DEAF1: variants seen among roughly 807,000 people sequenced by gnomAD.
DEAF1 encodes deformed epidermal autoregulatory factor 1 homolog.
A neutral mutation model predicts 58.9 loss-of-function variants in DEAF1; 53 were observed. The observed-to-expected ratio is 0.90, with a 90% confidence interval of 0.72 to 1.13. The LOEUF is 1.13. Among genes scored for constraint, DEAF1 ranks in the 50% most tolerant of loss-of-function variants. The pLI is 0.00. For synonymous variants in DEAF1, 385 were observed against 340.4 expected (o/e 1.13, Z -1.44); for missense variants, 685 against 791.4 (o/e 0.87, Z 1.61).
chr11:666,891 A>AG (rs1358833559), intron 10 of DEAF1, among the ~76,000 whole-genome samples: 2 of 149,302 alleles, frequency 1.3e-5, no homozygotes, highest in African/African-American at 5.1e-5. Context: ...AAAAAAAAAA[A>AG]AAAAAAGAAA....
At chr11:703,781 G>A in intron 1 of DEAF1, 1 of 1,233,182 alleles carries the variant, frequency 8.1e-7, no homozygotes, top group Non-Finnish European at 1.0e-6. Flanking sequence ...TTCCATCTTA[G>A]CCACACTTCT....
upstream of DEAF1, chr11:698,953 A>G (rs1861323299): frequency 6.3e-7 from 1 of 1,596,912 alleles, no homozygotes; most frequent in Admixed American, 1.7e-5. Context: ...CACAGAGAGC[A>G]CTCGGCCTCA....
intron 9 of DEAF1, among the ~76,000 whole-genome samples, chr11:674,995 C>T (rs1202358872): frequency 6.6e-6 from 1 of 151,546 alleles, no homozygotes; most frequent in Non-Finnish European, 1.5e-5. Context: ...TAAAAAAATA[C>T]AAAAAAATAC....
At chr11:682,380 C>A (rs1229633325) in intron 6 of DEAF1, among the ~76,000 whole-genome samples, 1 of 152,226 alleles carries the variant, frequency 6.6e-6, no homozygotes, top group African/African-American at 2.4e-5. Flanking sequence ...CCTCGCCTCT[C>A]TGGTAAACCT....
At chr11:655,207 C>A (rs976404774) in intron 10 of DEAF1, among the ~76,000 whole-genome samples, 7 of 152,214 alleles carry the variant, frequency 4.6e-5, no homozygotes, top group Non-Finnish European at 8.8e-5. Flanking sequence ...GGGCATCAGC[C>A]TGGGCGCACC....
chr11:704,210 G>A, intron 1 of DEAF1: 1 of 984,896 alleles, frequency 1.0e-6, no homozygotes, highest in Non-Finnish European at 1.3e-6. Flanking sequence ...TTGCCAGCTG[G>A]TCAGTTCCTG....
intron 11 of DEAF1, among the ~76,000 whole-genome samples, chr11:647,589 AAAT>A (rs1335883656): frequency 4.6e-5 from 7 of 152,338 alleles, no homozygotes; most frequent in Admixed American, 3.3e-4. Flanking sequence ...TCACAAATGA[AAAT>A]AATGATGCGT....
chr11:647,418 G>A (rs1385886165), intron 11 of DEAF1, among the ~76,000 whole-genome samples: 2 of 152,190 alleles, frequency 1.3e-5, no homozygotes, highest in Non-Finnish European at 2.9e-5. Context: ...TCGCGCCGCT[G>A]CACTCCAGCC....
At chr11:700,575 G>C in intron 1 of DEAF1, 1 of 1,510,564 alleles carries the variant, frequency 6.6e-7, no homozygotes, top group East Asian at 2.3e-5. Context: ...CTGCTGCTGT[G>C]CCAGGTTACT....
At chr11:694,143 C>T (rs1362689523) in intron 1 of DEAF1, among the ~76,000 whole-genome samples, 1 of 151,874 alleles carries the variant, frequency 6.6e-6, no homozygotes, top group African/African-American at 2.4e-5. Context: ...GTGGGGGGAG[C>T]CAGGATGGAC....
chr11:687,765 G>A, intron 4 of DEAF1, 146 bp downstream of exon 4: 3 of 1,017,060 alleles, frequency 2.9e-6, no homozygotes, highest in Non-Finnish European at 3.0e-6. Context: ...CAAAGTGCTG[G>A]TATTACAGGC....
intron 9 of DEAF1, among the ~76,000 whole-genome samples, chr11:675,048 G>A (rs746636398): frequency 9.9e-5 from 15 of 152,130 alleles, no homozygotes; most frequent in Non-Finnish European, 2.2e-4. Flanking sequence ...GCTGGACGTG[G>A]TGGTAGACGC....
At chr11:657,038 G>T (rs947374176) in intron 10 of DEAF1, among the ~76,000 whole-genome samples, 1 of 150,242 alleles carries the variant, frequency 6.7e-6, no homozygotes, top group Non-Finnish European at 1.5e-5. Context: ...CTCTGCAGCT[G>T]AACAGGTGAC....
Position 670,931 on chromosome 11 carries a change from G to GTTTT in DEAF1, c.1503+3601_1503+3604dup, listed in dbSNP as rs558436376. ...TGGCATGTCACCACACCTGGCTAAT[G>GTTTT]TTTTTTTTTTTTTTTGAGACAGAGT... On this transcript the variant is annotated intron_variant, in intron 10 of 11. Transcript: ENST00000382409. Among the ~76,000 whole-genome samples the GTTTT allele has an allele frequency of 2.2e-5, 2 of 91,380 alleles. 1 individual carries two copies. 59.9% of individuals were successfully genotyped at this position (91,380 alleles called of 152,430 possible). A position where few individuals can be genotyped will look rare whatever the true frequency, so the allele number is the denominator to read the frequency against.
chr11:651,992 AAG>A (rs1362951149), intron 11 of DEAF1, among the ~76,000 whole-genome samples: 4 of 152,212 alleles, frequency 2.6e-5, no homozygotes, highest in African/African-American at 9.6e-5. Context: ...GAGAATATGA[AAG>A]AGTTGAACAA....
chr11:688,248 A>G lies in DEAF1; in HGVS notation c.517+83T>C. On this transcript the variant is annotated intron_variant, in intron 3 of 11. Coordinates refer to ENST00000382409, the MANE Select transcript of DEAF1 (RefSeq NM_021008.4). This position sits in a 1 kb window ranked among gnomAD's most constrained non-coding sequence, Gnocchi z 4.3. ...TATTCCAAATTTACCACAAAAAGAAACAAGTAAATAAATCCCTGAAATAAA... is the reference window on the plus strand; with the variant it reads ...TATTCCAAATTTACCACAAAAAGAAGCAAGTAAATAAATCCCTGAAATAAA... 6.4e-7 allele frequency: 1 copy of G among 1,560,950 alleles called. No individual in the cohort carries two copies. The highest frequency in any genetic ancestry group is 8.7e-7 in the Non-Finnish European group (1 of 1,151,146).
rs778335310 is a variant in DEAF1, at chr11:703,112, G to A, written c.-438+3460C>T. ...CCTGGCCCTTCACGGCCTGGAGGCC[G>A]TCCTGCAGGTGGTTGCCATCGCGGC... On this transcript the variant is annotated intron_variant, in intron 1 of 11. Coordinates refer to the DEAF1 transcript ENST00000683307. 1.6e-5 allele frequency: 25 copies of A among 1,609,888 alleles called. No homozygotes were observed. The highest frequency in any genetic ancestry group is 4.0e-5 in the African/African-American group (3 of 74,914).
At chr11:704,879 A>C (rs1861649512) in intron 1 of DEAF1, 4 of 353,538 alleles carry the variant, frequency 1.1e-5, no homozygotes, top group South Asian at 2.1e-5. Context: ...CCACTTGGCC[A>C]CTCCCAGCTC....
Position 644,762 on chromosome 11 carries a change from G to A in DEAF1, c.1594-108C>T, listed in dbSNP as rs919600256. The A allele has an allele frequency of 1.1e-6, 1 of 872,598 alleles. No homozygotes were observed. The highest frequency in any genetic ancestry group is 1.8e-6 in the Non-Finnish European group (1 of 541,636). The allele number at this position is 872,598 out of a possible 1,614,324, so 54.1% of individuals were successfully genotyped here. ...GGTGCAGCCCTCTGTAACCTCACCT[G>A]GAGGTGCTGAGAATGCCCTCCCCAG... On this transcript the variant is annotated intron_variant, in intron 11 of 11. Transcript: ENST00000382409. The surrounding 1 kb of genome is among the most constrained non-coding windows in gnomAD (Gnocchi z 4.3).
Sources: allele counts gnomAD v4.1 joint callset (sites outside exome capture counted in the v4.1 genomes callset), GRCh38; gene constraint gnomAD v4.1.1; non-coding constraint Gnocchi (gnomAD v3.1); transcripts MANE v1.5; gene names NCBI Gene and HGNC (gene_info 2026-07-23, HGNC 2026-07-21).